The following CDH18 variants were observed in gnomAD, a reference collection of about 807,000 sequenced individuals.
The protein encoded by CDH18 is cadherin-18.
Under a neutral mutation model 67.9 loss-of-function variants are expected in CDH18, and 31 were observed. The ratio of observed to expected loss-of-function variants is 0.46; its 90% CI spans 0.34 to 0.62. CDH18 has a LOEUF of 0.62. Among genes scored for constraint, CDH18 ranks in the 20% least tolerant of loss-of-function variants. The probability of loss-of-function intolerance (pLI) is 0.01; values close to 1 mark genes in which losing one functional copy is unlikely to be tolerated. For synonymous variants in CDH18, 362 were observed against 347.2 expected (o/e 1.04, Z -0.48); for missense variants, 890 against 975.5 (o/e 0.91, Z 1.17).
rs780173391 is a variant in CDH18 at position 19,473,649 on chromosome 5, A to G, written c.1950T>C (p.Asp650=). Residue 650 remains aspartate, a synonymous_variant, in exon 13 of 13, where the codon GAT becomes GAC. Coordinates refer to ENST00000382275, the MANE Select transcript of CDH18 (RefSeq NM_004934.5). ...CATAGGTGACCACGTTCTCCCGTAC[A>G]TCCTCTTCTGAAATGATCAAGGGCT... ...KKEPLIISEE[D]VRENVVTYDD... 1.2e-6 allele frequency: 2 copies of G among 1,613,790 alleles called. No individual in the cohort carries two copies. Among genetic ancestry groups the G allele is most frequent in the East Asian group, 2.2e-5 (1 of 44,868 alleles).
intron 3 of CDH18, among the ~76,000 whole-genome samples, chr5:19,826,641 T>C (rs917575817): frequency 1.3e-5 from 2 of 152,168 alleles, no homozygotes; most frequent in South Asian, 2.1e-4. Flanking sequence ...CTAAGATTCA[T>C]AAGCAAAAGA....
At chr5:20,431,528 A>G (rs1322458167) in intron 1 of CDH18, among the ~76,000 whole-genome samples, 1 of 151,774 alleles carries the variant, frequency 6.6e-6, no homozygotes, top group African/African-American at 2.4e-5. Context: ...GAAGAATAGA[A>G]AAAGAAAAGA....
intron 1 of CDH18, among the ~76,000 whole-genome samples, chr5:20,276,730 G>A (rs984085279): frequency 2.6e-5 from 4 of 152,140 alleles, no homozygotes; most frequent in African/African-American, 9.7e-5. Context: ...CTGGATTCTA[G>A]GCCTTGGCTC....
chr5:20,339,620 A>T (rs907768201), intron 1 of CDH18, among the ~76,000 whole-genome samples: 2 of 151,774 alleles, frequency 1.3e-5, no homozygotes, highest in African/African-American at 4.8e-5. Flanking sequence ...CGTCAAACTT[A>T]CCCCATTCTA....
chr5:19,858,112 G>A (rs937596092), intron 2 of CDH18, among the ~76,000 whole-genome samples: 4 of 152,134 alleles, frequency 2.6e-5, no homozygotes, highest in African/African-American at 9.7e-5. Flanking sequence ...ACATTTTAGG[G>A]AAGCATGGAC....
At chr5:19,547,515 T>G (rs1736546041) in intron 8 of CDH18, among the ~76,000 whole-genome samples, 1 of 152,190 alleles carries the variant, frequency 6.6e-6, no homozygotes, top group South Asian at 2.1e-4. Context: ...AGGTTTTGTT[T>G]TGTTTTGTTT....
At chr5:20,524,953 C>T (rs1235808089) in intron 1 of CDH18, among the ~76,000 whole-genome samples, 1 of 152,104 alleles carries the variant, frequency 6.6e-6, no homozygotes, top group South Asian at 2.1e-4. Flanking sequence ...CAGAGTATGT[C>T]CCTTCTGTAG....
intron 4 of CDH18, among the ~76,000 whole-genome samples, chr5:19,746,699 C>A (rs1770040058): frequency 6.6e-6 from 1 of 152,078 alleles, no homozygotes; most frequent in Admixed American, 6.6e-5. Context: ...ATACATGTTT[C>A]TTTCCCCTTG....
At chr5:20,174,473 C>T (rs1301159330) in intron 2 of CDH18, among the ~76,000 whole-genome samples, 2 of 152,082 alleles carry the variant, frequency 1.3e-5, no homozygotes, top group Admixed American at 6.6e-5. Context: ...TTTCAAATGC[C>T]ATTGAGGAGA....
intron 2 of CDH18, among the ~76,000 whole-genome samples, chr5:19,922,024 C>T (rs1444299537): frequency 3.3e-5 from 5 of 151,938 alleles, no homozygotes; most frequent in African/African-American, 1.2e-4. Flanking sequence ...AAGTTAATAC[C>T]AACATCAGAT....
At chr5:19,845,842 C>T (rs2173339) in intron 2 of CDH18, among the ~76,000 whole-genome samples, 73,498 of 151,192 alleles carry the variant, frequency 0.49, 18,026 homozygotes, top group Middle Eastern at 0.62. Flanking sequence ...TTTCGCTTAA[C>T]ATTTGCATGG....
chr5:19,813,722 T>C (rs1173159226), intron 3 of CDH18, among the ~76,000 whole-genome samples: 1 of 152,102 alleles, frequency 6.6e-6, no homozygotes, highest in East Asian at 1.9e-4. Flanking sequence ...TTTAAACACA[T>C]TTGAATTGAG....
At chr5:19,653,124 C>T (rs1035295023) in intron 5 of CDH18, among the ~76,000 whole-genome samples, 5 of 151,556 alleles carry the variant, frequency 3.3e-5, no homozygotes, top group Non-Finnish European at 2.9e-5. Context: ...TAGGTTGTTG[C>T]GAAAGTAATG....
At chr5:20,475,701 T>C (rs56035061) in intron 1 of CDH18, among the ~76,000 whole-genome samples, 8,359 of 152,264 alleles carry the variant, frequency 0.055, 760 homozygotes, top group African/African-American at 0.19. Flanking sequence ...TAACAATTCT[T>C]ATTGGTTTTC....
intron 7 of CDH18, among the ~76,000 whole-genome samples, chr5:19,589,824 A>C (rs1011219457): frequency 5.9e-5 from 9 of 152,066 alleles, no homozygotes; most frequent in Non-Finnish European, 1.3e-4. Flanking sequence ...CACCTCAGGC[A>C]CTTGGTACAT....
rs189347053 is a variant in CDH18 at position 20,520,022 on chromosome 5, G to A, written c.-580+55440C>T. On this transcript the variant is annotated intron_variant, in intron 1 of 14. Transcript: ENST00000507958. ...ACAGAGTTTTGCTGAGGTTGGTCTC[G>A]AACTCCTGAGCTAGGTGATCTGACC... Among the ~76,000 whole-genome samples, 7 of 118,588 alleles carry A rather than the reference G, an allele frequency of 5.9e-5. No individual in the cohort carries two copies. The East Asian group carries it at 1.6e-3, about 27-fold the overall frequency. The allele number at this position is 118,588 out of a possible 152,430, so 77.8% of individuals were successfully genotyped here.
At chr5:19,632,031 AC>A (rs908087503) in intron 5 of CDH18, among the ~76,000 whole-genome samples, 1 of 152,184 alleles carries the variant, frequency 6.6e-6, no homozygotes, top group African/African-American at 2.4e-5. Flanking sequence ...CTATATGAAA[AC>A]ACCTAATAAT....
chr5:19,836,332 G>T (rs569633893), intron 3 of CDH18, among the ~76,000 whole-genome samples: 1 of 152,072 alleles, frequency 6.6e-6, no homozygotes, highest in Non-Finnish European at 1.5e-5. Context: ...AGCATCTGTT[G>T]TTTCCTGACT....
At chr5:19,834,918 C>T (rs1298337665) in intron 3 of CDH18, among the ~76,000 whole-genome samples, 3 of 151,938 alleles carry the variant, frequency 2.0e-5, no homozygotes, top group Non-Finnish European at 2.9e-5. Flanking sequence ...TTTACACTGT[C>T]GATGGGAATG....
Sources: gnomAD v4.1 joint callset for allele counts (sites outside exome capture counted in the v4.1 genomes callset) on GRCh38, gnomAD v4.1.1 for gene constraint, MANE v1.5 for transcripts, NCBI Gene and HGNC (gene_info 2026-07-23, HGNC 2026-07-21) for gene names.